KCNIP4: variants seen among roughly 807,000 people sequenced by gnomAD.
KCNIP4 encodes the protein potassium voltage-gated channel interacting protein 4, also known as Kv channel-interacting protein 4.
A neutral mutation model predicts 34.0 loss-of-function variants in KCNIP4; 12 were observed. The ratio of observed to expected loss-of-function variants is 0.35; its 90% confidence interval spans 0.23 to 0.57. KCNIP4 has a LOEUF of 0.57. KCNIP4 is among the 20% of genes least tolerant of loss of function. The pLI, the probability that KCNIP4 is intolerant of heterozygous loss-of-function variation, is 0.83. For synonymous variants in KCNIP4, 124 were observed against 102.2 expected, an observed-to-expected ratio of 1.21 and a Z score of -1.29; for missense variants, 238 against 311.7, an observed-to-expected ratio of 0.76 and a Z score of 1.78.
intron 1 of KCNIP4, among the ~76,000 whole-genome samples, chr4:21,792,492 GA>G (rs1456458950): frequency 3.3e-5 from 5 of 152,166 alleles, no homozygotes; most frequent in Non-Finnish European, 7.3e-5. Flanking sequence ...GTAAATAATG[GA>G]ACAGATGCTG....
At chr4:20,967,306 C>T (rs1228897995) in intron 1 of KCNIP4, among the ~76,000 whole-genome samples, 1 of 152,164 alleles carries the variant, frequency 6.6e-6, no homozygotes, top group Non-Finnish European at 1.5e-5. Context: ...AAGAACATTC[C>T]ATGCTCATGG....
chr4:21,657,689 T>C (rs1748078946), intron 1 of KCNIP4, among the ~76,000 whole-genome samples: 1 of 152,200 alleles, frequency 6.6e-6, no homozygotes, highest in African/African-American at 2.4e-5. Context: ...TGAGGCTCTT[T>C]CTTTGAGTCA....
At chr4:21,337,765 C>T (rs16870857) in intron 1 of KCNIP4, among the ~76,000 whole-genome samples, 4,660 of 152,140 alleles carry the variant, frequency 0.031, 209 homozygotes, top group East Asian at 0.19. Flanking sequence ...AAACATGGAC[C>T]TCACAGGCAA....
intron 1 of KCNIP4, among the ~76,000 whole-genome samples, chr4:21,557,789 A>C (rs1223530174): frequency 6.6e-6 from 1 of 152,192 alleles, no homozygotes; most frequent in Non-Finnish European, 1.5e-5. Flanking sequence ...AAATTGATAC[A>C]CATAGGCCAC....
At chr4:21,809,831 G>C (rs1366659864) in intron 1 of KCNIP4, among the ~76,000 whole-genome samples, 1 of 152,110 alleles carries the variant, frequency 6.6e-6, no homozygotes, top group Non-Finnish European at 1.5e-5. Context: ...ATCTCTGACA[G>C]GTCAGACTTA....
chr4:21,560,011 A>T (rs1218063981), intron 1 of KCNIP4, among the ~76,000 whole-genome samples: 1 of 151,780 alleles, frequency 6.6e-6, no homozygotes. Flanking sequence ...TTTTACTTTG[A>T]TTTTCCCCTT....
intron 1 of KCNIP4, among the ~76,000 whole-genome samples, chr4:21,752,602 G>T (rs963390537): frequency 1.3e-5 from 2 of 152,146 alleles, no homozygotes; most frequent in African/African-American, 4.8e-5. Context: ...AAAAGGGAGG[G>T]ATGGAAGACA....
chr4:21,482,442 C>G (rs1028770069), intron 1 of KCNIP4, among the ~76,000 whole-genome samples: 22 of 152,062 alleles, frequency 1.4e-4, no homozygotes, highest in Admixed American at 2.0e-4. Context: ...TTTTGCAGTG[C>G]CTGGTACCGG....
At chr4:20,973,627 C>A (rs920229904) in intron 1 of KCNIP4, among the ~76,000 whole-genome samples, 4 of 152,216 alleles carry the variant, frequency 2.6e-5, no homozygotes, top group Non-Finnish European at 5.9e-5. Context: ...TGACTTTCAT[C>A]ATGCGTTCCT....
At chr4:21,522,762 T>G (rs1391459612) in intron 1 of KCNIP4, among the ~76,000 whole-genome samples, 1 of 151,692 alleles carries the variant, frequency 6.6e-6, no homozygotes, top group Admixed American at 6.6e-5. Flanking sequence ...AAAGTGAGGA[T>G]GAAAAAAAAA....
Position 21,144,126 on chromosome 4 carries a change from G to A in KCNIP4, c.62-261417C>T, listed in dbSNP as rs1021052323. Among the ~76,000 whole-genome samples, 6 of 152,210 alleles carry A rather than the reference G, an allele frequency of 3.9e-5. No homozygotes were observed. The South Asian group carries it at 6.2e-4, about 16-fold the overall frequency. Reference sequence around the variant, plus strand: ...TATTTTTGTCTATAGATACACACATGAATTTTATCCTTCAGAAATACAACC... The same window carrying A: ...TATTTTTGTCTATAGATACACACATAAATTTTATCCTTCAGAAATACAACC... On this transcript the variant is annotated intron_variant, in intron 1 of 8. Coordinates refer to ENST00000382152, the MANE Select transcript of KCNIP4 (RefSeq NM_025221.6).
intron 1 of KCNIP4, among the ~76,000 whole-genome samples, chr4:21,230,095 G>A (rs1262176311): frequency 6.6e-6 from 1 of 152,122 alleles, no homozygotes; most frequent in African/African-American, 2.4e-5. Flanking sequence ...GTCCTTATAA[G>A]GGGAGGGAGA....
chr4:20,772,380 A>G lies in KCNIP4; in HGVS notation c.289-13490T>C, dbSNP rs577798004. 2.0e-5 allele frequency among the ~76,000 whole-genome samples: 3 copies of G among 152,310 alleles called. No individual in the cohort carries two copies. The East Asian group carries it at 5.8e-4, about 29-fold the overall frequency. ...AATCAACAAGCATGGCCCTCATCCA[A>G]AGGAGCTTACTACGGAGGAAGCAGT... On this transcript the variant is annotated intron_variant, in intron 3 of 8. Transcript: ENST00000382152.
intron 1 of KCNIP4, among the ~76,000 whole-genome samples, chr4:21,422,193 C>T (rs1438787811): frequency 6.8e-6 from 1 of 146,434 alleles, no homozygotes; most frequent in African/African-American, 2.5e-5. Context: ...TTTCTGCAGC[C>T]TACTTTTTTT....
intron 1 of KCNIP4, among the ~76,000 whole-genome samples, chr4:20,964,033 T>A (rs111494596): frequency 6.6e-6 from 1 of 152,172 alleles, no homozygotes; most frequent in African/African-American, 2.4e-5. Context: ...AGTATAAAAA[T>A]TGCTGAATAT....
At chr4:21,623,667 C>G (rs1012779404) in intron 1 of KCNIP4, among the ~76,000 whole-genome samples, 46 of 151,956 alleles carry the variant, frequency 3.0e-4, no homozygotes, top group African/African-American at 1.1e-3. Flanking sequence ...TTTCAGACCA[C>G]CAGAAATACC....
At chr4:21,672,625 A>T (rs1353644058) in intron 1 of KCNIP4, among the ~76,000 whole-genome samples, 1 of 152,240 alleles carries the variant, frequency 6.6e-6, no homozygotes, top group Non-Finnish European at 1.5e-5. Context: ...AGATACCATG[A>T]AAGTATGATA....
chr4:20,795,861 T>A (rs1713382678), intron 3 of KCNIP4, among the ~76,000 whole-genome samples: 1 of 152,218 alleles, frequency 6.6e-6, no homozygotes, highest in Non-Finnish European at 1.5e-5. Flanking sequence ...GTTCTTTTTA[T>A]TTTTCATAAG....
intron 1 of KCNIP4, among the ~76,000 whole-genome samples, chr4:21,682,296 C>A (rs1162472201): frequency 6.6e-6 from 1 of 152,136 alleles, no homozygotes; most frequent in Non-Finnish European, 1.5e-5. Flanking sequence ...AAATCCACCC[C>A]ATAATCCAAT....
Sources: gnomAD v4.1 joint callset for allele counts (sites outside exome capture counted in the v4.1 genomes callset) on GRCh38, gnomAD v4.1.1 for gene constraint, MANE v1.5 for transcripts, NCBI Gene and HGNC (gene_info 2026-07-23, HGNC 2026-07-21) for gene names.